Variants in ACTR3B observed in about 807,000 individuals in gnomAD.
ACTR3B encodes the protein actin related protein 3B.
A neutral mutation model predicts 59.0 loss-of-function variants in ACTR3B; 8 were observed. That is an observed-to-expected ratio of 0.14 (90% CI 0.08 to 0.24). The LOEUF (loss-of-function observed/expected upper bound fraction) is 0.24, where lower values mean the gene tolerates loss of function less well. Among genes scored for constraint, ACTR3B ranks in the 10% least tolerant of loss-of-function variants. The pLI is 1.00. For missense variants in ACTR3B, 245 were observed against 552.3 expected (o/e 0.44, Z 5.58); for synonymous variants, 148 against 197.9 (o/e 0.75, Z 2.12).
At chr7:152,793,029 T>C (rs1390918117) in intron 2 of ACTR3B, among the ~76,000 whole-genome samples, 1 of 151,666 alleles carries the variant, frequency 6.6e-6, no homozygotes, top group East Asian at 1.9e-4. Flanking sequence ...TGAATTTTTT[T>C]TTTTTTTTTT....
At chr7:152,806,843 G>A (rs1215897175) in intron 4 of ACTR3B, among the ~76,000 whole-genome samples, 1 of 152,210 alleles carries the variant, frequency 6.6e-6, no homozygotes, top group Non-Finnish European at 1.5e-5. Flanking sequence ...TAGATCAGTG[G>A]TCTGTCAGTC....
At chr7:152,853,447 CAT>C (rs1798998351) in intron 10 of ACTR3B, 45 bp from the exon 11 acceptor site, 4 of 1,567,894 alleles carry the variant, frequency 2.6e-6, no homozygotes, top group African/African-American at 1.4e-5. Context: ...GATTAGATCA[CAT>C]GTGTCTGTGG....
intron 2 of ACTR3B, among the ~76,000 whole-genome samples, chr7:152,789,063 CA>C (rs150919553): frequency 0.13 from 2,615 of 20,380 alleles, 57 homozygotes; most frequent in African/African-American, 0.17. Context: ...ACAGCAACAA[CA>C]AACAACAACA....
intron 5 of ACTR3B, among the ~76,000 whole-genome samples, chr7:152,815,571 G>A (rs530227356): frequency 4.9e-4 from 74 of 152,290 alleles, no homozygotes; most frequent in African/African-American, 1.7e-3. Flanking sequence ...CTTTGGGCTG[G>A]GTAGTCCTTT....
At chr7:152,802,711 T>C (rs2098240446) in intron 4 of ACTR3B, among the ~76,000 whole-genome samples, 2 of 151,972 alleles carry the variant, frequency 1.3e-5, no homozygotes, top group African/African-American at 2.4e-5. Context: ...CCTGCATAAT[T>C]TAGGTTTGGA....
chr7:152,853,799 C>G (rs1414769492), intron 11 of ACTR3B, among the ~76,000 whole-genome samples: 1 of 152,130 alleles, frequency 6.6e-6, no homozygotes, highest in African/African-American at 2.4e-5. Flanking sequence ...TCACTGCAAC[C>G]TCCGCCTCCC....
In ACTR3B at chr7:152,759,924, C is replaced by T; in HGVS notation, c.42C>T (p.Thr14=). Residue 14 remains threonine, a splice_region_variant and synonymous_variant, in exon 1 of 12, where the codon ACC becomes ACT. Transcript: ENST00000256001. ...CTCCCTGCGTGGTGGACTGTGGCAC[C>T]GGGTAAGAGCAGCTCGGCGCCCACC... ...SLPPCVVDCG[T]GYTKLGYAGN... 1 of 1,388,260 alleles carries T rather than the reference C, an allele frequency of 7.2e-7. No individual in the cohort carries two copies. The highest frequency in any genetic ancestry group is 1.5e-5 in the South Asian group (1 of 66,304). 86.0% of individuals were successfully genotyped at this position (1,388,260 alleles called of 1,614,324 possible). A position where few individuals can be genotyped will look rare whatever the true frequency, so the allele number is the denominator to read the frequency against.
intron 9 of ACTR3B, among the ~76,000 whole-genome samples, chr7:152,826,418 T>C (rs1267097683): frequency 2.0e-5 from 3 of 151,888 alleles, no homozygotes; most frequent in Non-Finnish European, 4.4e-5. Flanking sequence ...TTAAGATTTT[T>C]TTATAATTAA....
chr7:152,852,006 C>A, intron 9 of ACTR3B, 120 bp from the exon 10 acceptor site: 1 of 1,371,128 alleles, frequency 7.3e-7, no homozygotes, highest in Non-Finnish European at 1.0e-6. Context: ...TCGCATCTTT[C>A]ATAGGGCCGA....
intron 5 of ACTR3B, among the ~76,000 whole-genome samples, chr7:152,815,649 C>G (rs1467173673): frequency 6.6e-6 from 1 of 152,186 alleles, no homozygotes; most frequent in Non-Finnish European, 1.5e-5. Flanking sequence ...CACTGGAAGA[C>G]AGCAGCCCCA....
chr7:152,829,901 T>C (rs1423642358), intron 9 of ACTR3B, among the ~76,000 whole-genome samples: 1 of 152,196 alleles, frequency 6.6e-6, no homozygotes, highest in African/African-American at 2.4e-5. Flanking sequence ...CAGGAGGTAC[T>C]TGAGTACCTA....
At chr7:152,843,017 C>G (rs1209256485) in intron 9 of ACTR3B, among the ~76,000 whole-genome samples, 1 of 152,208 alleles carries the variant, frequency 6.6e-6, no homozygotes, top group Non-Finnish European at 1.5e-5. Flanking sequence ...CCGTTTGAAT[C>G]TTTTGCCCAA....
intron 1 of ACTR3B, among the ~76,000 whole-genome samples, chr7:152,763,585 G>A (rs2966533): frequency 1.3e-5 from 2 of 151,804 alleles, no homozygotes; most frequent in Admixed American, 6.6e-5. Flanking sequence ...CACCATGCCC[G>A]GCTAACTTTT....
rs900342543 is a variant in ACTR3B at position 152,782,619 on chromosome 7, G to A, written c.45-568G>A. The stretch of plus-strand genomic sequence containing the variant: ...GGCAGTAGCTGTTTCTTAGACATAT[G>A]CCATGACATTTTAAGAAAATTATAT... On this transcript the variant is annotated intron_variant, in intron 1 of 11. Transcript: ENST00000256001. Among the ~76,000 whole-genome samples, 16 of 152,032 alleles carry A rather than the reference G, an allele frequency of 1.1e-4. 1 individual carries two copies. The highest frequency in any genetic ancestry group is 3.9e-4 in the Admixed American group (6 of 15,256).
Position 152,854,726 on chromosome 7 carries a change from C to T in ACTR3B, c.*173C>T, listed in dbSNP as rs1400286651. ...GGCCCTTCAGTAAAAGCCATTTATC[C>T]GTGTGCCGACCGCTGTCTGCCAGCC... On this transcript the variant is annotated 3_prime_UTR_variant, in exon 12 of 12. Transcript: ENST00000256001. This position sits in a 1 kb window ranked among gnomAD's most constrained non-coding sequence, Gnocchi z 4.9. 3.3e-5 allele frequency: 20 copies of T among 604,232 alleles called. No homozygotes were observed. Among genetic ancestry groups the T allele is most frequent in the African/African-American group, 1.7e-4 (9 of 53,864 alleles). The allele number at this position is 604,232 out of a possible 1,614,324, so 37.4% of individuals were successfully genotyped here.
At position 152,824,111 on chromosome 7, in the gene ACTR3B, C is replaced by G. The variant is rs1356446707; in HGVS notation, c.858+596C>G. 6.6e-6 allele frequency among the ~76,000 whole-genome samples: 1 copy of G among 152,212 alleles called. No homozygotes were observed. Among genetic ancestry groups the G allele is most frequent in the African/African-American group, 2.4e-5 (1 of 41,454 alleles). On this transcript the variant is annotated intron_variant, in intron 8 of 11. Coordinates refer to ENST00000256001, the MANE Select transcript of ACTR3B (RefSeq NM_020445.6). The surrounding 1 kb of genome is among the most constrained non-coding windows in gnomAD (Gnocchi z 4.2). Reference sequence around the variant, plus strand: ...ATTAAGAGGCACATTTTAAGATTTACATATAATGCATTTTATTTATATTTT... The same window carrying G: ...ATTAAGAGGCACATTTTAAGATTTAGATATAATGCATTTTATTTATATTTT...
intron 2 of ACTR3B, among the ~76,000 whole-genome samples, chr7:152,799,310 A>G (rs1251136515): frequency 6.6e-6 from 1 of 152,180 alleles, no homozygotes; most frequent in Non-Finnish European, 1.5e-5. Context: ...TATTTCTCTA[A>G]TGTCTGTTCT....
chr7:152,775,804 C>A (rs1460094111), intron 1 of ACTR3B, among the ~76,000 whole-genome samples: 2 of 151,378 alleles, frequency 1.3e-5, no homozygotes, highest in Admixed American at 6.6e-5. Context: ...ATTGTATGTA[C>A]AGAGAGAAGC....
intron 2 of ACTR3B, among the ~76,000 whole-genome samples, chr7:152,791,733 C>G (rs1472306436): frequency 6.6e-6 from 1 of 152,208 alleles, no homozygotes; most frequent in African/African-American, 2.4e-5. Context: ...TATATAATTA[C>G]ACTTACTCCT....
Sources: allele counts gnomAD v4.1 joint callset (sites outside exome capture counted in the v4.1 genomes callset), GRCh38; gene constraint gnomAD v4.1.1; non-coding constraint Gnocchi (gnomAD v3.1); transcripts MANE v1.5; gene names NCBI Gene and HGNC (gene_info 2026-07-23, HGNC 2026-07-21).